The following KHDRBS1 variants were observed in gnomAD, a reference collection of about 807,000 sequenced individuals.
KHDRBS1 encodes KH domain-containing, RNA-binding, signal transduction-associated protein 1.
A neutral mutation model predicts 48.4 loss-of-function variants in KHDRBS1; 7 were observed. The ratio of observed to expected loss-of-function variants is 0.14; its 90% confidence interval spans 0.08 to 0.27. KHDRBS1 has a LOEUF of 0.27. KHDRBS1 is among the 10% of genes least tolerant of loss of function. The probability of loss-of-function intolerance (pLI) is 1.00; values close to 1 mark genes in which losing one functional copy is unlikely to be tolerated. For synonymous variants in KHDRBS1, 241 were observed against 235.8 expected, an observed-to-expected ratio of 1.02 and a Z score of -0.20; for missense variants, 458 against 601.2, an observed-to-expected ratio of 0.76 and a Z score of 2.49.
At chr1:32,032,091 A>G (rs915268534) in intron 3 of KHDRBS1, among the ~76,000 whole-genome samples, 1 of 152,186 alleles carries the variant, frequency 6.6e-6, no homozygotes, top group Non-Finnish European at 1.5e-5. Context: ...CCGGTTTGGA[A>G]TGTGAGGCTC....
chr1:32,036,333 T>G (rs1433748760), intron 4 of KHDRBS1, among the ~76,000 whole-genome samples: 1 of 151,910 alleles, frequency 6.6e-6, no homozygotes, highest in Non-Finnish European at 1.5e-5. Flanking sequence ...CGCGCCCGGC[T>G]AATTTTTTTG....
At chr1:32,024,778 T>C (rs1441541510) in intron 1 of KHDRBS1, among the ~76,000 whole-genome samples, 2 of 152,176 alleles carry the variant, frequency 1.3e-5, no homozygotes, top group Non-Finnish European at 2.9e-5. Flanking sequence ...AGTTCTATGG[T>C]ATTTGATATA....
chr1:32,022,615 G>A (rs1638881647), intron 1 of KHDRBS1, among the ~76,000 whole-genome samples: 1 of 152,142 alleles, frequency 6.6e-6, no homozygotes, highest in Non-Finnish European at 1.5e-5. Context: ...AGTTGGCCGG[G>A]CGCGGTGGCT....
intron 1 of KHDRBS1, 61 bp from the exon 2 acceptor site, chr1:32,030,237 A>C (rs1406115871): frequency 3.5e-6 from 5 of 1,443,066 alleles, no homozygotes. Context: ...TATTGCTTTA[A>C]GCAGACTTCA....
At chr1:32,058,107 A>C (rs562006398) in intron 10 of KHDRBS1, among the ~76,000 whole-genome samples, 2 of 150,030 alleles carry the variant, frequency 1.3e-5, no homozygotes, top group Non-Finnish European at 3.0e-5. Flanking sequence ...AATAAGAGTG[A>C]AACTGTCTCA....
chr1:32,037,395 G>T (rs1363669470), intron 5 of KHDRBS1, among the ~76,000 whole-genome samples: 1 of 150,386 alleles, frequency 6.6e-6, no homozygotes, highest in Non-Finnish European at 1.5e-5. Context: ...AGTGAGCCGA[G>T]ATCATGCCAC....
intron 1 of KHDRBS1, among the ~76,000 whole-genome samples, chr1:32,022,203 G>C (rs1638873183): frequency 6.6e-6 from 1 of 151,870 alleles, no homozygotes; most frequent in Admixed American, 6.6e-5. Flanking sequence ...AGTAGAAACA[G>C]GGTTTCACCA....
chr1:32,057,962 CAAAA>C (rs1201081915), intron 10 of KHDRBS1, among the ~76,000 whole-genome samples: 3 of 151,404 alleles, frequency 2.0e-5, no homozygotes, highest in African/African-American at 7.3e-5. Flanking sequence ...ACCAAAAAAA[CAAAA>C]AATTAGCTGA....
In KHDRBS1 at chr1:32,042,622, T is replaced by A; in HGVS notation, c.1330T>A (p.Ter444LysextTer4). The part of the protein sequence containing the change: ...AYREHPYGRY[*>K] ...CAGAGAGCACCCATATGGACGTTAT[T>A]AAAAACAAACATGAGGGGAAAATAT... The change falls in exon 9 of 9, where the codon TAA (stop) becomes AAA (lysine). Residue 444 changes from the stop codon to lysine (K), a stop_lost. Transcript: ENST00000327300. 6.3e-7 allele frequency: 1 copy of A among 1,590,402 alleles called. No individual in the cohort carries two copies. Among genetic ancestry groups the A allele is most frequent in the Non-Finnish European group, 8.6e-7 (1 of 1,158,740 alleles).
intron 1 of KHDRBS1, among the ~76,000 whole-genome samples, chr1:32,020,423 CA>C (rs938260035): frequency 2.8e-5 from 4 of 144,768 alleles, no homozygotes; most frequent in Admixed American, 6.9e-5. Flanking sequence ...GATCCTGTCT[CA>C]AAAAAAAAAC....
chr1:32,054,285 A>AG (rs1639454539), intron 10 of KHDRBS1, among the ~76,000 whole-genome samples: 1 of 152,166 alleles, frequency 6.6e-6, no homozygotes, highest in Admixed American at 6.6e-5. Flanking sequence ...AGGGAAAATA[A>AG]GGGAAGGAAG....
chr1:32,030,468 T>G, intron 2 of KHDRBS1, 46 bp downstream of exon 2: 1 of 1,549,258 alleles, frequency 6.5e-7, no homozygotes, highest in Non-Finnish European at 8.7e-7. Context: ...TTTATAGTTA[T>G]GAGAGAGTCA....
rs1639318065 is a variant in KHDRBS1, at chr1:32,043,424, G to A, written c.*800G>A. 1 of 152,546 alleles carries A rather than the reference G, an allele frequency of 6.6e-6. No individual in the cohort carries two copies. The highest frequency in any genetic ancestry group is 1.5e-5 in the Non-Finnish European group (1 of 68,014). The allele number at this position is 152,546 out of a possible 1,614,324, so 9.4% of individuals were successfully genotyped here. On this transcript the variant is annotated 3_prime_UTR_variant, in exon 9 of 9. Coordinates refer to ENST00000327300, the MANE Select transcript of KHDRBS1 (RefSeq NM_006559.3). ...GAAGAGGTTGATGGTGGTGGGGAGGGAAGGCCTCCTGAATTGAGTTTGATG... is the reference window on the plus strand; with the variant it reads ...GAAGAGGTTGATGGTGGTGGGGAGGAAAGGCCTCCTGAATTGAGTTTGATG...
chr1:32,039,439 A>C, intron 7 of KHDRBS1, 76 bp from the exon 8 acceptor site: 1 of 787,078 alleles, frequency 1.3e-6, no homozygotes. Flanking sequence ...AAAATGACTG[A>C]CTTATGGAAG....
rs772493181 is a variant in KHDRBS1, at chr1:32,013,961, C to G, written c.-35C>G. On this transcript the variant is annotated 5_prime_UTR_variant, in exon 1 of 9. Transcript: ENST00000327300. Reference sequence around the variant, plus strand: ...GCTCGGGCCTCCGTCGCTGCCGCGTCGCTTTCTCGCTCCTTGGATCGCACA... The same window carrying G: ...GCTCGGGCCTCCGTCGCTGCCGCGTGGCTTTCTCGCTCCTTGGATCGCACA... The G allele has an allele frequency of 2.1e-6, 3 of 1,426,442 alleles. No homozygotes were observed. In the Admixed American group the frequency reaches 8.6e-5, roughly 41 times the overall value. The allele number at this position is 1,426,442 out of a possible 1,614,324, so 88.4% of individuals were successfully genotyped here.
At position 32,030,312 on chromosome 1, in the gene KHDRBS1, C is replaced by A; in HGVS notation, c.397C>A (p.Gln133Lys). ...QLLTAEIEKI[Q>K]KGDSKKDDEE... ...TTCCTATTCAGAAATTGAGAAGATT[C>A]AGAAAGGAGACTCAAAAAAGGATGA... Residue 133 changes from glutamine (Q) to lysine (K), a missense_variant, in exon 2 of 9, where the codon CAG becomes AAG. Gln to Lys is a moderately conservative substitution (Grantham distance 53). Around this residue, in one of 3 missense-constraint regions of KHDRBS1, gnomAD observed 213 missense variants for 215.6 expected, o/e 0.99. Coordinates refer to ENST00000327300, the MANE Select transcript of KHDRBS1 (RefSeq NM_006559.3). 6.2e-7 allele frequency: 1 copy of A among 1,603,834 alleles called. No homozygotes were observed. The highest frequency in any genetic ancestry group is 1.1e-5 in the South Asian group (1 of 88,536).
At chr1:32,033,459 T>C (rs989940850) in intron 4 of KHDRBS1, 125 bp downstream of exon 4, 29 of 1,307,170 alleles carry the variant, frequency 2.2e-5, no homozygotes, top group Non-Finnish European at 2.8e-5. Context: ...TCTGCACTTA[T>C]GTTCATTTTC....
chr1:32,014,741 C>T (rs1028398250), intron 1 of KHDRBS1, among the ~76,000 whole-genome samples: 1 of 152,226 alleles, frequency 6.6e-6, no homozygotes, highest in Non-Finnish European at 1.5e-5. Context: ...GAAGGGAAAC[C>T]CTTTTTGATC....
downstream of KHDRBS1, chr1:32,045,261 T>G (rs1021782293): frequency 2.6e-5 from 4 of 152,638 alleles, no homozygotes; most frequent in African/African-American, 7.2e-5. Flanking sequence ...CAGGATCTCT[T>G]TATCTTTTAT....
Sources: gnomAD v4.1 joint callset for allele counts (sites outside exome capture counted in the v4.1 genomes callset) on GRCh38, gnomAD v4.1.1 for gene constraint, gnomAD v4.1.1 regional missense constraint, MANE v1.5 for transcripts, NCBI Gene and HGNC (gene_info 2026-07-23, HGNC 2026-07-21) for gene names.